Variants in UMODL1 observed in about 807,000 individuals in gnomAD.
UMODL1 encodes the protein uromodulin-like 1.
A neutral mutation model predicts 136.3 loss-of-function variants in UMODL1; 128 were observed. The observed-to-expected ratio is 0.94, with a 90% CI of 0.81 to 1.09. The LOEUF (loss-of-function observed/expected upper bound fraction) is 1.09, where lower values mean the gene tolerates loss of function less well. UMODL1 is among the 50% of genes least tolerant of loss of function. The pLI is 0.00. For synonymous variants in UMODL1, 721 were observed against 720.0 expected (o/e 1.00, Z -0.02); for missense variants, 1,766 against 1,725.6 (o/e 1.02, Z -0.41).
intron 5 of UMODL1, among the ~76,000 whole-genome samples, chr21:42,090,066 G>A (rs1427681895): frequency 2.0e-5 from 3 of 152,174 alleles, no homozygotes; most frequent in African/African-American, 4.8e-5. Flanking sequence ...AGCCAGCCGC[G>A]AGCCCTGCCT....
Position 42,085,285 on chromosome 21 carries a change from G to A in UMODL1, c.482-6G>A, listed in dbSNP as rs2066412431. Reference sequence around the variant, plus strand: ...TCCATAATCATCAGTGTTTTCCCTTGTGTAGCTCCAGAGAGGGACCCTGTG... The same window carrying A: ...TCCATAATCATCAGTGTTTTCCCTTATGTAGCTCCAGAGAGGGACCCTGTG... On this transcript the variant is annotated splice_polypyrimidine_tract_variant and splice_region_variant and intron_variant, in intron 3 of 22. Transcript: ENST00000408910. The surrounding 1 kb of genome is among the most constrained non-coding windows in gnomAD (Gnocchi z 4.5). 2 of 1,613,498 alleles carry A rather than the reference G, an allele frequency of 1.2e-6. No individual in the cohort carries two copies. The highest frequency in any genetic ancestry group is 2.2e-5 in the South Asian group (2 of 91,046).
chr21:42,135,282 A>C (rs1394705361), intron 21 of UMODL1, among the ~76,000 whole-genome samples: 17 of 152,234 alleles, frequency 1.1e-4, no homozygotes, highest in Admixed American at 1.1e-3. Flanking sequence ...CACAGTTTTC[A>C]GGGCTTGCTC....
chr21:42,133,895 TTTGTTTTG>T (rs2067166805), intron 21 of UMODL1, among the ~76,000 whole-genome samples: 2 of 148,868 alleles, frequency 1.3e-5, no homozygotes, highest in African/African-American at 5.0e-5. Flanking sequence ...TGTTTTTTGT[TTTGTTTTG>T]TTTTGTTTTG....
intron 17 of UMODL1, among the ~76,000 whole-genome samples, chr21:42,124,334 G>A (rs558799390): frequency 1.3e-5 from 2 of 152,292 alleles, no homozygotes; most frequent in Non-Finnish European, 2.9e-5. Flanking sequence ...TGGAGGGGCC[G>A]GCGGCTTCAG....
exon 1 of UMODL1, chr21:42,063,073 A>G (rs1188309407): frequency 3.3e-5 from 5 of 152,224 alleles, no homozygotes; most frequent in East Asian, 3.9e-4. Context: ...TCCAATCTCC[A>G]TGGCTTCTCA....
chr21:42,124,894 G>A (rs1409517710), intron 17 of UMODL1, among the ~76,000 whole-genome samples: 1 of 152,166 alleles, frequency 6.6e-6, no homozygotes. Flanking sequence ...CGACCGCATG[G>A]GTCAGGCATC....
At chr21:42,080,732 C>G (rs1031136754) in intron 2 of UMODL1, among the ~76,000 whole-genome samples, 1 of 152,256 alleles carries the variant, frequency 6.6e-6, no homozygotes, top group Non-Finnish European at 1.5e-5. Context: ...CCACCTTTCA[C>G]ATGTTCTTTA....
chr21:42,124,255 G>T (rs1245164596), intron 17 of UMODL1, among the ~76,000 whole-genome samples: 1 of 152,234 alleles, frequency 6.6e-6, no homozygotes, highest in Non-Finnish European at 1.5e-5. Context: ...CACCAGCTCA[G>T]CCTGGTACTG....
chr21:42,095,673 A>G (rs2066549713), intron 6 of UMODL1, among the ~76,000 whole-genome samples: 1 of 152,238 alleles, frequency 6.6e-6, no homozygotes, highest in Non-Finnish European at 1.5e-5. Context: ...CTCATTATTC[A>G]GCCTGCTACT....
upstream of UMODL1, among the ~76,000 whole-genome samples, chr21:42,069,299 A>G (rs750582542): frequency 2.0e-5 from 3 of 149,846 alleles, no homozygotes; most frequent in South Asian, 2.1e-4. Flanking sequence ...TTGTGCCTCA[A>G]TAAAACAGAG....
upstream of UMODL1, among the ~76,000 whole-genome samples, chr21:42,070,030 C>T (rs1466739518): frequency 3.3e-5 from 5 of 152,196 alleles, no homozygotes; most frequent in Non-Finnish European, 7.3e-5. Flanking sequence ...TTTCCAGCCT[C>T]CTTTTTGTAT....
intron 10 of UMODL1, among the ~76,000 whole-genome samples, chr21:42,110,073 G>A (rs114324327): frequency 7.6e-6 from 1 of 131,114 alleles, no homozygotes; most frequent in Non-Finnish European, 1.6e-5. Flanking sequence ...CCTGGAGCCC[G>A]AGAGGGTGTG....
Position 42,110,912 on chromosome 21 carries a change from T to C in UMODL1, c.1690T>C (p.Ser564Pro). Reference sequence around the variant, plus strand: ...GGTGAGCCCCATGGGCGGTGGACTGTCTGCGGCAACAGGGGTAACGGTCCC... The same window carrying C: ...GGTGAGCCCCATGGGCGGTGGACTGCCTGCGGCAACAGGGGTAACGGTCCC... ...DLVSPMGGGL[S>P]AATGVTVPGL... Residue 564 changes from serine (S) to proline (P), a missense_variant, in exon 11 of 23, where the codon TCT becomes CCT. By Grantham distance (74) the Ser-to-Pro change is moderately conservative. Transcript: ENST00000408910. The C allele has an allele frequency of 6.2e-7, 1 of 1,611,926 alleles. No individual in the cohort carries two copies. The highest frequency in any genetic ancestry group is 1.1e-5 in the South Asian group (1 of 90,344).
At chr21:42,086,323 T>C (rs1008445116) in intron 4 of UMODL1, among the ~76,000 whole-genome samples, 5 of 152,242 alleles carry the variant, frequency 3.3e-5, no homozygotes, top group African/African-American at 1.2e-4. Context: ...TCAGATCTTT[T>C]GTGTGTCCCA....
rs747275405 is a variant in UMODL1, at chr21:42,090,450, GCT to G, written c.931+18_931+19del. 69 of 1,613,310 alleles carry G rather than the reference GCT, an allele frequency of 4.3e-5. No homozygotes were observed. In the African/African-American group the frequency reaches 8.0e-4, roughly 19 times the overall value. On this transcript the variant is annotated intron_variant, in intron 6 of 22. Transcript: ENST00000408910. ...CCTGGAGTGGGAAGGTAATGGCTAG[GCT>G]CTCTCAGATGGCATGGGAATGGCTT... is the stretch of plus-strand genomic sequence containing the variant.
rs764336444 is a variant in UMODL1 at position 42,085,510 on chromosome 21, G to C, written c.603+98G>C. On this transcript the variant is annotated intron_variant, in intron 4 of 22. Transcript: ENST00000408910. This position sits in a 1 kb window ranked among gnomAD's most constrained non-coding sequence, Gnocchi z 4.5. The stretch of plus-strand genomic sequence containing the variant: ...GTGGAAGGGACCTGGGGGTTGGGGA[G>C]GGTGATGTTCCCCAAATGGCCCCAA... 3.8e-6 allele frequency: 6 copies of C among 1,571,152 alleles called. No individual in the cohort carries two copies. The highest frequency in any genetic ancestry group is 5.2e-6 in the Non-Finnish European group (6 of 1,155,060).
At chr21:42,101,781 A>C (rs1321263266) in intron 7 of UMODL1, 2 of 456,104 alleles carry the variant, frequency 4.4e-6, no homozygotes, top group Non-Finnish European at 8.8e-6. Context: ...CCCATTGGTC[A>C]CCCTGATGTT....
intron 4 of UMODL1, among the ~76,000 whole-genome samples, chr21:42,087,186 C>A (rs1316824902): frequency 6.6e-6 from 1 of 152,164 alleles, no homozygotes; most frequent in Non-Finnish European, 1.5e-5. Context: ...CCCATTACCC[C>A]CTGCAGAAGC....
chr21:42,073,552 C>T (rs2066255569), intron 1 of UMODL1, among the ~76,000 whole-genome samples: 1 of 152,148 alleles, frequency 6.6e-6, no homozygotes, highest in Non-Finnish European at 1.5e-5. Context: ...GGAGTGGGGT[C>T]GCTGTGCAGC....
Sources: gnomAD v4.1 joint callset for allele counts (sites outside exome capture counted in the v4.1 genomes callset) on GRCh38, gnomAD v4.1.1 for gene constraint, Gnocchi (gnomAD v3.1) non-coding constraint, MANE v1.5 for transcripts, NCBI Gene and HGNC (gene_info 2026-07-23, HGNC 2026-07-21) for gene names.